CCDC9: variants seen among roughly 807,000 people sequenced by gnomAD.
CCDC9 encodes the protein coiled-coil domain-containing protein 9.
In CCDC9, 52 loss-of-function variants were observed where a neutral mutation model predicts 65.6. The ratio of observed to expected loss-of-function variants is 0.79; its 90% CI spans 0.63 to 1.00. The LOEUF (loss-of-function observed/expected upper bound fraction) is 1.00, where lower values mean the gene tolerates loss of function less well. Ranked by LOEUF, CCDC9 falls within the 50% of genes least tolerant of loss-of-function variation. The pLI is 0.00. For synonymous variants in CCDC9, 332 were observed against 280.3 expected, an observed-to-expected ratio of 1.18 and a Z score of -1.84; for missense variants, 834 against 757.2, an observed-to-expected ratio of 1.10 and a Z score of -1.19.
At position 47,270,708 on chromosome 19, in the gene CCDC9, G is replaced by A. The variant is rs374725472; in HGVS notation, c.1085+20G>A. 1.3e-5 allele frequency: 21 copies of A among 1,603,452 alleles called. No individual in the cohort carries two copies. The highest frequency in any genetic ancestry group is 1.2e-4 in the South Asian group (11 of 90,672). On this transcript the variant is annotated intron_variant, in intron 10 of 11. Coordinates refer to ENST00000221922, the MANE Select transcript of CCDC9 (RefSeq NM_015603.3). ...CTACAGGTGGGGCACCCCTTCTGCGGGCTTGCATACCCCCAGGGCTCTCCG... is the reference window on the plus strand; with the variant it reads ...CTACAGGTGGGGCACCCCTTCTGCGAGCTTGCATACCCCCAGGGCTCTCCG...
rs756202754 is a variant in CCDC9, at chr19:47,266,641, G to A, written c.751G>A (p.Asp251Asn). The change falls in exon 8 of 12, where the codon GAC becomes AAC. Residue 251 changes from aspartate to asparagine, a missense_variant. Asp to Asn is a conservative substitution (Grantham distance 23). Transcript: ENST00000221922. ...CCGAGCTGGCCTGGGCAGTGCTGGA[G>A]ACATGACGTTGTCCATGACGGGCCG... ...GRRAGLGSAGDMTLSMTGRER... is the reference protein window; with the variant it reads ...GRRAGLGSAGNMTLSMTGRER... The A allele has an allele frequency of 3.8e-6, 6 of 1,583,048 alleles. No homozygotes were observed. The African/African-American group carries it at 8.0e-5, about 21-fold the overall frequency.
downstream of CCDC9, chr19:47,273,707 G>C (rs117719527): frequency 2.7e-6 from 1 of 376,078 alleles, no homozygotes; most frequent in Admixed American, 4.6e-5. Flanking sequence ...TGGGCGGCTC[G>C]AGCCAGTCTT....
In CCDC9 at chr19:47,260,812, C is replaced by T. The variant is rs1277742094; in HGVS notation, c.435C>T (p.Asp145=). The T allele has an allele frequency of 1.9e-6, 3 of 1,613,290 alleles. No homozygotes were observed. Among genetic ancestry groups the T allele is most frequent in the Non-Finnish European group, 2.5e-6 (3 of 1,179,634 alleles). ...CACCTCACCTCTCTGGAGCTGGAGACACCTCAATCTCTGACCGTAAATCCA... is the reference window on the plus strand; with the variant it reads ...CACCTCACCTCTCTGGAGCTGGAGATACCTCAATCTCTGACCGTAAATCCA... The part of the protein sequence containing the change: ...RGSPHLSGAG[D]TSISDRKSKE... Residue 145 remains aspartate (D), a synonymous_variant, in exon 5 of 12, where the codon GAC becomes GAT. Coordinates refer to ENST00000221922, the MANE Select transcript of CCDC9 (RefSeq NM_015603.3).
intron 9 of CCDC9, 47 bp from the exon 10 acceptor site, chr19:47,270,506 T>C (rs1430338852): frequency 2.7e-5 from 43 of 1,613,934 alleles, no homozygotes; most frequent in Non-Finnish European, 3.6e-5. Context: ...TCAGGGGTGG[T>C]GTGTGCCACA....
chr19:47,266,478 G>C (rs1166548617), intron 7 of CCDC9, 133 bp from the exon 8 acceptor site: 2 of 1,371,544 alleles, frequency 1.5e-6, no homozygotes, highest in Non-Finnish European at 1.9e-6. Flanking sequence ...GGTGCCACCT[G>C]AGCCTAGTTG....
chr19:47,273,517 CCT>C, downstream of CCDC9: 1 of 506,044 alleles, frequency 2.0e-6, no homozygotes, highest in Non-Finnish European at 3.1e-6. Flanking sequence ...CCGCCTCGCT[CCT>C]CTGTCCTCTG....
downstream of CCDC9, among the ~76,000 whole-genome samples, chr19:47,274,210 C>G (rs1387715111): frequency 6.6e-6 from 1 of 152,038 alleles, no homozygotes; most frequent in Non-Finnish European, 1.5e-5. Flanking sequence ...GCTGAGGATA[C>G]CTGAAAGCGG....
intron 1 of CCDC9, chr19:47,257,952 T>C (rs2059021720): frequency 5.2e-6 from 1 of 190,560 alleles, no homozygotes; most frequent in Non-Finnish European, 1.1e-5. Flanking sequence ...GGAGGGGTTG[T>C]AGTTGGAACT....
At chr19:47,269,814 G>A (rs2059103893) in intron 8 of CCDC9, among the ~76,000 whole-genome samples, 2 of 152,156 alleles carry the variant, frequency 1.3e-5, no homozygotes, top group East Asian at 3.8e-4. Flanking sequence ...GAGGGAGACT[G>A]GTGGGAAAGG....
At chr19:47,261,623 G>T (rs187220123) in intron 5 of CCDC9, among the ~76,000 whole-genome samples, 1 of 146,108 alleles carries the variant, frequency 6.8e-6, no homozygotes, top group Non-Finnish European at 1.5e-5. Context: ...GAGGCAGGAG[G>T]ATCACTTAAA....
chr19:47,258,105 C>G, intron 1 of CCDC9: 1 of 505,598 alleles, frequency 2.0e-6, no homozygotes, highest in Non-Finnish European at 3.6e-6. Context: ...TTGACTAGAT[C>G]GTTTACATGG....
chr19:47,262,493 ATGTGTGAGCTGC>A (rs79456559), intron 5 of CCDC9, among the ~76,000 whole-genome samples: 6,193 of 152,072 alleles, frequency 0.041, 198 homozygotes, highest in Non-Finnish European at 0.062. Context: ...CTGCGATGAC[ATGTGTGAGCTGC>A]TGCGCCCGGC....
At chr19:47,265,072 T>C in intron 7 of CCDC9, 126 bp downstream of exon 7, 1 of 776,050 alleles carries the variant, frequency 1.3e-6, no homozygotes, top group East Asian at 3.2e-5. Context: ...GACTTTTTTT[T>C]TTTGAGACGG....
At chr19:47,264,151 G>C (rs1171944193) in intron 5 of CCDC9, among the ~76,000 whole-genome samples, 1 of 152,210 alleles carries the variant, frequency 6.6e-6, no homozygotes, top group African/African-American at 2.4e-5. Flanking sequence ...AAAGTGCTGG[G>C]ATTACAGGCG....
downstream of CCDC9, chr19:47,272,236 G>T (rs1402681315): frequency 3.3e-5 from 33 of 998,752 alleles, no homozygotes; most frequent in Admixed American, 4.3e-5. Context: ...AGAGGGCTTG[G>T]GGGGAGTGGG....
intron 3 of CCDC9, among the ~76,000 whole-genome samples, chr19:47,259,142 A>G (rs1490305955): frequency 6.6e-6 from 1 of 152,198 alleles, no homozygotes; most frequent in Non-Finnish European, 1.5e-5. Flanking sequence ...CGAGGGGAAC[A>G]TGTTTCAGGC....
downstream of CCDC9, chr19:47,275,498 G>A (rs1198610469): frequency 4.3e-6 from 5 of 1,159,672 alleles, no homozygotes; most frequent in Non-Finnish European, 5.9e-6. Context: ...GGGGGCCCAG[G>A]GGGTGTCAGC....
downstream of CCDC9, chr19:47,275,053 T>A: frequency 1.3e-6 from 2 of 1,493,782 alleles, no homozygotes; most frequent in Non-Finnish European, 1.8e-6. Context: ...CTAGCTGCCG[T>A]GCTGCTCGCC....
chr19:47,273,137 C>T (rs376048988), downstream of CCDC9, among the ~76,000 whole-genome samples: 6 of 152,130 alleles, frequency 3.9e-5, no homozygotes, highest in African/African-American at 1.2e-4. Flanking sequence ...TCGCCACACC[C>T]GCGTTTCCTC....
Sources: allele counts gnomAD v4.1 joint callset (sites outside exome capture counted in the v4.1 genomes callset), GRCh38; gene constraint gnomAD v4.1.1; transcripts MANE v1.5; gene names NCBI Gene and HGNC (gene_info 2026-07-23, HGNC 2026-07-21).